DNAH12: variants seen among roughly 807,000 people sequenced by gnomAD.
DNAH12 encodes the protein axonemal beta dynein heavy chain 12.
Under a neutral mutation model 371.5 loss-of-function variants are expected in DNAH12, and 285 were observed. That is an observed-to-expected ratio of 0.77 (90% confidence interval 0.70 to 0.85). DNAH12 has a LOEUF of 0.85. Among genes scored for constraint, DNAH12 ranks in the 40% least tolerant of loss-of-function variants. The probability of loss-of-function intolerance (pLI) is 0.00; values close to 1 mark genes in which losing one functional copy is unlikely to be tolerated. For missense variants in DNAH12, 3,611 were observed against 3,689.4 expected, an observed-to-expected ratio of 0.98 and a Z score of 0.55; for synonymous variants, 1,200 against 1,213.0, an observed-to-expected ratio of 0.99 and a Z score of 0.22.
intron 37 of DNAH12, among the ~76,000 whole-genome samples, chr3:57,415,864 C>T (rs1249085514): frequency 6.7e-6 from 1 of 149,046 alleles, no homozygotes; most frequent in African/African-American, 2.5e-5. Context: ...TCTTGGCTCA[C>T]TGCAACCTCC....
chr3:57,437,188 C>T (rs2065156039), intron 29 of DNAH12, 128 bp from the exon 30 acceptor site: 1 of 669,810 alleles, frequency 1.5e-6, no homozygotes, highest in East Asian at 3.1e-5. Flanking sequence ...TTTCTTAAAA[C>T]TTTATTATTT....
At position 57,428,613 on chromosome 3, in the gene DNAH12, T is replaced by C; in HGVS notation, c.5253+20A>G. 1 of 1,521,718 alleles carries C rather than the reference T, an allele frequency of 6.6e-7. No individual in the cohort carries two copies. The highest frequency in any genetic ancestry group is 1.3e-5 in the South Asian group (1 of 78,626). The allele number at this position is 1,521,718 out of a possible 1,614,324, so 94.3% of individuals were successfully genotyped here. On this transcript the variant is annotated intron_variant, in intron 34 of 73. Transcript: ENST00000495027. ...ATGGAAACAAAGAAACTTGAATAGG[T>C]CAGAGAATTATAGGATTACCTTGCA...
At chr3:57,459,321 G>T (rs899832866) in intron 20 of DNAH12, among the ~76,000 whole-genome samples, 1 of 152,130 alleles carries the variant, frequency 6.6e-6, no homozygotes, top group Non-Finnish European at 1.5e-5. Context: ...GAGGAGGAGA[G>T]CAGTGAGTGT....
chr3:57,374,916 G>A (rs2063251421), intron 55 of DNAH12, among the ~76,000 whole-genome samples: 1 of 152,150 alleles, frequency 6.6e-6, no homozygotes, highest in African/African-American at 2.4e-5. Flanking sequence ...TGGGATGAGG[G>A]TAGGGATTTA....
intron 25 of DNAH12, among the ~76,000 whole-genome samples, chr3:57,448,965 C>T (rs1301727035): frequency 3.2e-3 from 321 of 101,716 alleles, no homozygotes; most frequent in Middle Eastern, 0.025. Context: ...CATAAAGGTT[C>T]TCCAAGGCCC....
chr3:57,519,642 C>A, intron 4 of DNAH12: 2 of 1,315,064 alleles, frequency 1.5e-6, no homozygotes, highest in Admixed American at 1.7e-5. Flanking sequence ...CTCTGAACAA[C>A]TGCACTAAGA....
chr3:57,529,191 G>T (rs542225256), intron 2 of DNAH12, among the ~76,000 whole-genome samples: 65 of 152,278 alleles, frequency 4.3e-4, no homozygotes, highest in African/African-American at 1.5e-3. Context: ...ATACTGGCCT[G>T]CAGTTTCCTT....
At chr3:57,535,185 G>T (rs924468793) in intron 2 of DNAH12, among the ~76,000 whole-genome samples, 2 of 152,220 alleles carry the variant, frequency 1.3e-5, no homozygotes, top group Non-Finnish European at 2.9e-5. Context: ...AAGTGAATCA[G>T]CTTCCTTCAA....
intron 58 of DNAH12, among the ~76,000 whole-genome samples, chr3:57,363,280 T>C (rs903527911): frequency 2.7e-4 from 41 of 151,938 alleles, no homozygotes; most frequent in Non-Finnish European, 5.3e-4. Flanking sequence ...ACCTTACCTA[T>C]CCAATAATAA....
chr3:57,382,911 G>T (rs2063424770), intron 49 of DNAH12, among the ~76,000 whole-genome samples: 1 of 152,202 alleles, frequency 6.6e-6, no homozygotes, highest in African/African-American at 2.4e-5. Context: ...AGATGCAAAT[G>T]CTGGAAAGCT....
chr3:57,431,883 C>T (rs2064965821), intron 32 of DNAH12, among the ~76,000 whole-genome samples: 1 of 152,130 alleles, frequency 6.6e-6, no homozygotes. Flanking sequence ...GAACCAAGGC[C>T]CATCACTTCA....
At chr3:57,302,074 G>A (rs982981582) in intron 69 of DNAH12, 135 bp from the exon 70 acceptor site, 7 of 795,434 alleles carry the variant, frequency 8.8e-6, no homozygotes, top group Admixed American at 2.7e-5. Context: ...CCATGTGGTG[G>A]TACGTGAGCT....
chr3:57,504,022 AG>A lies in DNAH12; in HGVS notation c.1079del (p.Ala360ValfsTer19). On this transcript the variant is annotated frameshift_variant, in exon 9 of 74. Coordinates refer to ENST00000495027, the MANE Select transcript of DNAH12 (RefSeq NM_001366028.2). LOFTEE classifies it high-confidence loss of function. ...VLSLVERIAE[A>X]LQNVQTIPSW... ...ATGGGTAAAGATGTAATACCTGCAG[AG>A]CTTCGGCTATTCGTTCCACCAAACT... The A allele has an allele frequency of 1.2e-6, 2 of 1,611,768 alleles. No individual in the cohort carries two copies. The highest frequency in any genetic ancestry group is 1.7e-6 in the Non-Finnish European group (2 of 1,178,496).
Position 57,510,928 on chromosome 3 carries a change from T to C in DNAH12, c.331A>G (p.Ile111Val), listed in dbSNP as rs769871759. 6.2e-7 allele frequency: 1 copy of C among 1,613,936 alleles called. No homozygotes were observed. Residue 111 changes from isoleucine to valine, a missense_variant, in exon 5 of 74, where the codon ATT (isoleucine) becomes GTT (valine). This residue lies in a region of DNAH12 where 1,314 missense variants were observed against 1,398.7 expected (regional missense o/e 0.94). Transcript: ENST00000495027. ...QCVESSPLVP[I>V]QQEWLDHMLR... ...ATGTGATCCAGCCATTCCTGCTGAA[T>C]AGGTACTAAAGGACTACTTTCTACA... is the stretch of plus-strand genomic sequence containing the variant.
At chr3:57,324,102 C>T (rs9835121) in intron 62 of DNAH12, among the ~76,000 whole-genome samples, 52,488 of 151,940 alleles carry the variant, frequency 0.35, 9,747 homozygotes, top group African/African-American at 0.47. Context: ...TTCAACATAG[C>T]GTTCACAAGC....
At chr3:57,430,006 G>A (rs1256884861) in intron 32 of DNAH12, among the ~76,000 whole-genome samples, 1 of 151,996 alleles carries the variant, frequency 6.6e-6, no homozygotes, top group East Asian at 1.9e-4. Flanking sequence ...GGATAATAGT[G>A]CTCTTGTAGA....
At chr3:57,468,601 T>C (rs1481411729) in intron 17 of DNAH12, 135 bp downstream of exon 17, 3 of 513,912 alleles carry the variant, frequency 5.8e-6, no homozygotes, top group Non-Finnish European at 8.7e-6. Context: ...AGCAAGACCC[T>C]GTCTCAAAAA....
intron 2 of DNAH12, chr3:57,536,169 A>T (rs2069036750): frequency 6.6e-6 from 1 of 152,148 alleles, no homozygotes. Context: ...TCCAGTCTGT[A>T]GTATTCAGTT....
At chr3:57,497,201 A>G (rs1445181641) in intron 11 of DNAH12, among the ~76,000 whole-genome samples, 2 of 152,204 alleles carry the variant, frequency 1.3e-5, no homozygotes, top group African/African-American at 2.4e-5. Flanking sequence ...TGGAATCCTA[A>G]CCAAAATCCT....
Sources: gnomAD v4.1 joint callset for allele counts (sites outside exome capture counted in the v4.1 genomes callset) on GRCh38, gnomAD v4.1.1 for gene constraint, gnomAD v4.1.1 regional missense constraint, MANE v1.5 for transcripts, NCBI Gene and HGNC (gene_info 2026-07-23, HGNC 2026-07-21) for gene names.